The following TNNI3K variants were observed in gnomAD, a reference collection of about 807,000 sequenced individuals.
TNNI3K encodes the protein TNNI3 interacting kinase.
In TNNI3K, 140 loss-of-function variants were observed where a neutral mutation model predicts 114.5. The observed-to-expected ratio is 1.22, with a 90% confidence interval of 1.07 to 1.41. TNNI3K has a LOEUF of 1.41. TNNI3K is among the 40% of genes most tolerant of loss of function. The pLI is 0.00. For missense variants in TNNI3K, 1,125 were observed against 1,007.6 expected, an observed-to-expected ratio of 1.12 and a Z score of -1.58; for synonymous variants, 347 against 347.5, an observed-to-expected ratio of 1.00 and a Z score of 0.02.
chr1:74,474,793 T>A (rs1668108741), intron 21 of TNNI3K, among the ~76,000 whole-genome samples: 2 of 152,058 alleles, frequency 1.3e-5, no homozygotes, highest in Non-Finnish European at 2.9e-5. Flanking sequence ...TGGGAAGTTA[T>A]CATCCCTGAC....
At chr1:74,419,222 CCTT>C (rs767108652) in intron 17 of TNNI3K, among the ~76,000 whole-genome samples, 32 of 152,152 alleles carry the variant, frequency 2.1e-4, no homozygotes, top group Non-Finnish European at 3.8e-4. Flanking sequence ...ATGTCTGCCT[CCTT>C]CTTTGCATCA....
intron 3 of TNNI3K, among the ~76,000 whole-genome samples, chr1:74,250,338 A>G (rs931314626): frequency 3.3e-5 from 5 of 152,180 alleles, no homozygotes; most frequent in Admixed American, 1.3e-4. Context: ...ATCCTCTACA[A>G]TTAGATTTTT....
At position 74,378,358 on chromosome 1, in the gene TNNI3K, C is replaced by T. The variant is rs1003169017; in HGVS notation, c.1772+7966C>T. On this transcript the variant is annotated intron_variant, in intron 17 of 24. Coordinates refer to ENST00000326637, the MANE Select transcript of TNNI3K (RefSeq NM_015978.3). ...TCTGCTGTAACGATAGAGTCCATAA[C>T]GTATAATGGTTCCAATACAATTGAA... Among the ~76,000 whole-genome samples the T allele has an allele frequency of 1.5e-4, 22 of 151,340 alleles. No individual in the cohort carries two copies. In the East Asian group the frequency reaches 4.1e-3, roughly 28 times the overall value.
At chr1:74,254,183 A>T (rs539080526) in intron 4 of TNNI3K, among the ~76,000 whole-genome samples, 8 of 152,312 alleles carry the variant, frequency 5.3e-5, no homozygotes, top group African/African-American at 1.9e-4. Flanking sequence ...GAACCATTTG[A>T]CAGTAAATTG....
chr1:74,471,782 G>T (rs1207628390), intron 21 of TNNI3K: 1 of 420,104 alleles, frequency 2.4e-6, no homozygotes, highest in Non-Finnish European at 4.2e-6. Context: ...TCACTCATAA[G>T]AAATTTTTCT....
intron 5 of TNNI3K, among the ~76,000 whole-genome samples, chr1:74,272,062 G>C (rs1301961813): frequency 6.6e-6 from 1 of 151,862 alleles, no homozygotes; most frequent in Non-Finnish European, 1.5e-5. Context: ...CTATTATAAT[G>C]ATTAAGTTAG....
In TNNI3K at chr1:74,343,054, A is replaced by G. The variant is rs776110463; in HGVS notation, c.828-21A>G. 6.8e-6 allele frequency: 11 copies of G among 1,613,044 alleles called. No homozygotes were observed. The African/African-American group carries it at 1.3e-4, about 20-fold the overall frequency. On this transcript the variant is annotated intron_variant, in intron 8 of 24. Transcript: ENST00000326637. ...CATGTACTTGCTTACAATATTAACAAGATATTTTCTTCAAATCTAGGGCAT... is the reference window on the plus strand; with the variant it reads ...CATGTACTTGCTTACAATATTAACAGGATATTTTCTTCAAATCTAGGGCAT...
intron 17 of TNNI3K, among the ~76,000 whole-genome samples, chr1:74,383,600 A>C (rs1444704591): frequency 1.3e-5 from 2 of 152,210 alleles, no homozygotes; most frequent in East Asian, 3.9e-4. Flanking sequence ...AAAATTGCTC[A>C]TGAACTTGAG....
chr1:74,305,441 A>C lies in TNNI3K; in HGVS notation c.445-26009A>C, dbSNP rs145180713. ...ATGCAGCCTCAATGAAAGCCCAGTC[A>C]ATCCCATGAAGAGCTCAGAAACTAG... On this transcript the variant is annotated intron_variant, in intron 5 of 24. Transcript: ENST00000326637. 3.8e-4 allele frequency among the ~76,000 whole-genome samples: 58 copies of C among 152,354 alleles called. 1 individual carries two copies. The East Asian group carries it at 0.011, about 28-fold the overall frequency.
intron 5 of TNNI3K, among the ~76,000 whole-genome samples, chr1:74,323,191 A>G (rs778588743): frequency 1.3e-5 from 2 of 152,142 alleles, no homozygotes; most frequent in Non-Finnish European, 2.9e-5. Context: ...AGCTGTCTCC[A>G]CAATAGAACT....
chr1:74,333,676 G>A (rs185988282), intron 6 of TNNI3K, among the ~76,000 whole-genome samples: 58 of 152,300 alleles, frequency 3.8e-4, no homozygotes, highest in African/African-American at 1.3e-3. Flanking sequence ...TGCTGACAAG[G>A]AGAATGGTAC....
intron 4 of TNNI3K, among the ~76,000 whole-genome samples, chr1:74,262,554 CA>C (rs1011219919): frequency 2.9e-4 from 42 of 143,410 alleles, no homozygotes; most frequent in African/African-American, 8.7e-4. Flanking sequence ...AAAAAAAACT[CA>C]AAAAAAAAAG....
Position 74,352,516 on chromosome 1 carries a change from T to C in TNNI3K, c.933-750T>C, listed in dbSNP as rs569466797. Among the ~76,000 whole-genome samples the C allele has an allele frequency of 2.0e-5, 3 of 152,320 alleles. No individual in the cohort carries two copies. The East Asian group carries it at 5.8e-4, about 29-fold the overall frequency. ...AAGCTGTCAGACAGGGACATTTAAG[T>C]CTACAGAGGTTATTGCTGTCTTTTG... On this transcript the variant is annotated intron_variant, in intron 9 of 24. Transcript: ENST00000326637.
chr1:74,442,268 A>G (rs577962328), intron 20 of TNNI3K, among the ~76,000 whole-genome samples: 1 of 152,162 alleles, frequency 6.6e-6, no homozygotes, highest in South Asian at 2.1e-4. Flanking sequence ...TTCAAAAATC[A>G]GTTGACCATA....
chr1:74,464,945 A>T, intron 21 of TNNI3K: 8 of 1,230,098 alleles, frequency 6.5e-6, no homozygotes, highest in Non-Finnish European at 8.1e-6. Flanking sequence ...AGTGCCTTCA[A>T]TCTCTGCATC....
At chr1:74,264,869 G>T (rs568979621) in intron 4 of TNNI3K, among the ~76,000 whole-genome samples, 1 of 152,130 alleles carries the variant, frequency 6.6e-6, no homozygotes, top group African/African-American at 2.4e-5. Flanking sequence ...ACACCTGTAA[G>T]TATCTTGAGT....
intron 20 of TNNI3K, among the ~76,000 whole-genome samples, chr1:74,457,407 T>C (rs1303427963): frequency 6.6e-6 from 1 of 152,154 alleles, no homozygotes; most frequent in Non-Finnish European, 1.5e-5. Flanking sequence ...AATCTCAAGA[T>C]TGCAATCTCA....
intron 9 of TNNI3K, among the ~76,000 whole-genome samples, chr1:74,343,683 A>T (rs1247720231): frequency 6.6e-6 from 1 of 152,180 alleles, no homozygotes; most frequent in African/African-American, 2.4e-5. Context: ...GGCCACTCAG[A>T]TACCTAAGAA....
At position 74,472,218 on chromosome 1, in the gene TNNI3K, G is replaced by A. The variant is rs1667971354; in HGVS notation, c.2121+8668G>A. The A allele has an allele frequency of 4.2e-6, 3 of 715,648 alleles. No individual in the cohort carries two copies. The East Asian group carries it at 8.1e-5, about 19-fold the overall frequency. 44.3% of individuals were successfully genotyped at this position (715,648 alleles called of 1,614,324 possible). ...TGCTGATATCTGTGGAACAATAAATGCAAGAATTTAGCACTTAGCAGAGTT... is the reference window on the plus strand; with the variant it reads ...TGCTGATATCTGTGGAACAATAAATACAAGAATTTAGCACTTAGCAGAGTT... On this transcript the variant is annotated intron_variant, in intron 21 of 24. Transcript: ENST00000326637.
Sources: allele counts gnomAD v4.1 joint callset (sites outside exome capture counted in the v4.1 genomes callset), GRCh38; gene constraint gnomAD v4.1.1; transcripts MANE v1.5; gene names NCBI Gene and HGNC (gene_info 2026-07-23, HGNC 2026-07-21).